Variants in POR observed in about 807,000 individuals in gnomAD.
POR encodes cytochrome p450 oxidoreductase.
Under a neutral mutation model 84.0 loss-of-function variants are expected in POR, and 56 were observed. That is an observed-to-expected ratio of 0.67 (90% CI 0.54 to 0.83). POR has a LOEUF of 0.83. Ranked by LOEUF, POR falls within the 40% of genes least tolerant of loss-of-function variation. POR has a pLI of 0.00. For missense variants in POR, 938 were observed against 944.3 expected, an observed-to-expected ratio of 0.99 and a Z score of 0.09; for synonymous variants, 414 against 400.5, an observed-to-expected ratio of 1.03 and a Z score of -0.40.
chr7:75,986,528 C>T lies in POR; in HGVS notation c.*47C>T. 1 of 1,583,684 alleles carries T rather than the reference C, an allele frequency of 6.3e-7. No homozygotes were observed. On this transcript the variant is annotated 3_prime_UTR_variant, in exon 16 of 16. Coordinates refer to ENST00000461988, the MANE Select transcript of POR (RefSeq NM_000941.3). ...CCCACAGACTCCGGCCTGTAATCAG[C>T]TCTCCTGGCTCCCTCCCGTAGTCTC...
chr7:75,960,989 C>G (rs375343806), intron 2 of POR, among the ~76,000 whole-genome samples: 5 of 152,024 alleles, frequency 3.3e-5, no homozygotes, highest in East Asian at 3.9e-4. Flanking sequence ...TCCCAGCACT[C>G]TGGGAGGCCA....
intron 1 of POR, among the ~76,000 whole-genome samples, chr7:75,921,509 G>A (rs746845706): frequency 6.6e-6 from 1 of 151,992 alleles, no homozygotes; most frequent in Non-Finnish European, 1.5e-5. Flanking sequence ...CGATCTGCCT[G>A]CCTCGGCCTC....
chr7:75,982,639 A>G (rs1554558288), intron 8 of POR, among the ~76,000 whole-genome samples: 1 of 152,006 alleles, frequency 6.6e-6, no homozygotes, highest in African/African-American at 2.4e-5. Flanking sequence ...TTTTCTTAGA[A>G]TCTATCTCCA....
chr7:75,917,360 T>C (rs1806619367), intron 1 of POR, among the ~76,000 whole-genome samples: 2 of 151,564 alleles, frequency 1.3e-5, no homozygotes, highest in African/African-American at 4.9e-5. Context: ...GAGCCACCGT[T>C]CCTGGCTTTC....
chr7:75,980,365 C>A lies in POR; in HGVS notation c.393C>A (p.Ile131=), dbSNP rs782166276. The A allele has an allele frequency of 3.1e-6, 5 of 1,613,050 alleles. No individual in the cohort carries two copies. Among genetic ancestry groups the A allele is most frequent in the Non-Finnish European group, 4.2e-6 (5 of 1,179,782 alleles). ...CCGACCTGAGCAGCCTGCCAGAGAT[C>A]GACAACGCCCTGGTGGTTTTCTGCA... The change falls in exon 5 of 16, where the codon ATC becomes ATA. Residue 131 remains isoleucine (I), a synonymous_variant. Coordinates refer to ENST00000461988, the MANE Select transcript of POR (RefSeq NM_000941.3).
intron 1 of POR, among the ~76,000 whole-genome samples, chr7:75,930,963 C>T (rs560443132): frequency 6.6e-6 from 1 of 152,160 alleles, no homozygotes; most frequent in African/African-American, 2.4e-5. Context: ...GCGGGGACTA[C>T]AGGTGTGCAC....
chr7:75,981,325 T>C (rs1450311805), intron 6 of POR, among the ~76,000 whole-genome samples, 153 bp downstream of exon 6: 8 of 152,156 alleles, frequency 5.3e-5, no homozygotes, highest in Non-Finnish European at 8.8e-5. Flanking sequence ...GCCCTGCCCC[T>C]GCCAGTTTTG....
intron 3 of POR, among the ~76,000 whole-genome samples, chr7:75,978,296 A>C (rs1195165876): frequency 1.3e-5 from 2 of 152,222 alleles, no homozygotes; most frequent in Non-Finnish European, 2.9e-5. Context: ...CAGACTGAAA[A>C]TATTTGGAGA....
chr7:75,984,938 T>G lies in POR; in HGVS notation c.1228T>G (p.Ser410Ala). Residue 410 changes from serine (S) to alanine (A), a missense_variant, in exon 11 of 16, where the codon TCC becomes GCC. Physicochemically the swap from Ser to Ala is moderately conservative, Grantham distance 99 (BLOSUM62 1). Transcript: ENST00000461988. The stretch of plus-strand genomic sequence containing the variant: ...GCAGGAGCTGCTGCGCAAGATGGCC[T>G]CCTCCTCCGGCGAGGGCAAGGTGCG... 1 of 1,598,564 alleles carries G rather than the reference T, an allele frequency of 6.3e-7. No homozygotes were observed. The highest frequency in any genetic ancestry group is 8.5e-7 in the Non-Finnish European group (1 of 1,169,686).
intron 1 of POR, among the ~76,000 whole-genome samples, chr7:75,928,947 A>G (rs1420466805): frequency 6.6e-6 from 1 of 152,108 alleles, no homozygotes; most frequent in African/African-American, 2.4e-5. Context: ...CATCTTGGGT[A>G]ACCTAGTGTA....
intron 1 of POR, among the ~76,000 whole-genome samples, chr7:75,950,798 C>T (rs1470230728): frequency 6.6e-6 from 1 of 152,216 alleles, no homozygotes; most frequent in Non-Finnish European, 1.5e-5. Flanking sequence ...TGCAGTGGCT[C>T]ACGCCTGTCA....
At chr7:75,946,205 C>G (rs1554552116) in intron 1 of POR, among the ~76,000 whole-genome samples, 1 of 151,920 alleles carries the variant, frequency 6.6e-6, no homozygotes, top group East Asian at 1.9e-4. Context: ...ATGTAGAGAC[C>G]TAATTTATAA....
chr7:75,986,143 C>A lies in POR; in HGVS notation c.1816-16C>A, dbSNP rs1554559370. 1.9e-6 allele frequency: 3 copies of A among 1,603,556 alleles called. No individual in the cohort carries two copies. ...CAGCCACAGTGCCCCCCTCACAGCACCACCCTTGGCCCCAGGTCTACGTCC... is the reference window on the plus strand; with the variant it reads ...CAGCCACAGTGCCCCCCTCACAGCAACACCCTTGGCCCCAGGTCTACGTCC... On this transcript the variant is annotated splice_polypyrimidine_tract_variant and intron_variant, in intron 14 of 15. Transcript: ENST00000461988.
At chr7:75,952,869 C>G (rs1787508764) in intron 1 of POR, among the ~76,000 whole-genome samples, 2 of 151,396 alleles carry the variant, frequency 1.3e-5, no homozygotes, top group South Asian at 4.2e-4. Context: ...CTCCTAACAT[C>G]CCAGACGATG....
At chr7:75,957,374 G>C (rs1247235404) in intron 2 of POR, among the ~76,000 whole-genome samples, 1 of 152,186 alleles carries the variant, frequency 6.6e-6, no homozygotes, top group African/African-American at 2.4e-5. Context: ...GGTACACGGG[G>C]CATTGCTGGT....
chr7:75,980,843 G>A, intron 5 of POR: 1 of 1,119,352 alleles, frequency 8.9e-7, no homozygotes, highest in East Asian at 2.7e-5. Flanking sequence ...AGTGGACGGG[G>A]CAGGCTGTGG....
intron 3 of POR, among the ~76,000 whole-genome samples, chr7:75,974,776 C>T (rs531446180): frequency 2.0e-5 from 3 of 152,280 alleles, no homozygotes; most frequent in African/African-American, 7.2e-5. Context: ...ATCCACTCAA[C>T]TTGGCCTCCC....
chr7:75,941,169 C>G (rs2116337606), intron 1 of POR, among the ~76,000 whole-genome samples: 1 of 152,184 alleles, frequency 6.6e-6, no homozygotes, highest in East Asian at 1.9e-4. Context: ...TCTCTCAAAA[C>G]AAGCAAACAG....
Position 75,984,837 on chromosome 7 carries a change from A to C in POR, c.1127A>C (p.Tyr376Ser). Reference sequence around the variant, plus strand: ...ACGTCCTACCGCACGGCCCTCACCTACTACCTGGACATCACCAACCCGCCG... The same window carrying C: ...ACGTCCTACCGCACGGCCCTCACCTCCTACCTGGACATCACCAACCCGCCG... The change falls in exon 11 of 16, where the codon TAC becomes TCC. Residue 376 changes from tyrosine to serine, a missense_variant. Physicochemically the swap from Tyr to Ser is moderately radical, Grantham distance 144. Transcript: ENST00000461988. 2 of 1,612,392 alleles carry C rather than the reference A, an allele frequency of 1.2e-6. No homozygotes were observed. Among genetic ancestry groups the C allele is most frequent in the South Asian group, 2.2e-5 (2 of 91,082 alleles).
Sources: allele counts gnomAD v4.1 joint callset (sites outside exome capture counted in the v4.1 genomes callset), GRCh38; gene constraint gnomAD v4.1.1; transcripts MANE v1.5; gene names NCBI Gene and HGNC (gene_info 2026-07-23, HGNC 2026-07-21).